CCDC14: variants seen among roughly 807,000 people sequenced by gnomAD.
CCDC14 encodes the protein coiled-coil domain-containing protein 14.
A neutral mutation model predicts 81.4 loss-of-function variants in CCDC14; 71 were observed. The observed-to-expected ratio is 0.87, with a 90% CI of 0.72 to 1.06. The LOEUF (loss-of-function observed/expected upper bound fraction) is 1.06. Ranked by LOEUF, CCDC14 falls within the 50% of genes least tolerant of loss-of-function variation. The pLI is 0.00. For missense variants in CCDC14, 1,046 were observed against 1,047.3 expected, an observed-to-expected ratio of 1.00 and a Z score of 0.02; for synonymous variants, 332 against 364.8, an observed-to-expected ratio of 0.91 and a Z score of 1.03.
chr3:123,904,445 AT>A (rs977485613), intron 5 of CCDC14, among the ~76,000 whole-genome samples: 1 of 152,158 alleles, frequency 6.6e-6, no homozygotes, highest in African/African-American at 2.4e-5. Flanking sequence ...GATGAAAAAA[AT>A]AGCAAGCATG....
chr3:123,888,198 T>C, the CCDC14 span, among the ~76,000 whole-genome samples: 1 of 152,212 alleles, frequency 6.6e-6, no homozygotes, highest in Admixed American at 6.5e-5. Flanking sequence ...TTCTAGGACA[T>C]TATAGCTTTA....
At chr3:123,909,753 T>C (rs2034400969), downstream of CCDC14, among the ~76,000 whole-genome samples, 1 of 152,300 alleles carries the variant, frequency 6.6e-6, no homozygotes, top group Middle Eastern at 3.4e-3. Context: ...AATTCCTTAT[T>C]ATTAGACCAT....
intron 4 of CCDC14, 39 bp from the exon 5 acceptor site, chr3:123,956,004 A>T (rs975183502): frequency 3.3e-6 from 5 of 1,528,506 alleles, no homozygotes; most frequent in Admixed American, 2.2e-5. Context: ...CAAAATAATG[A>T]CTTGAGATAA....
rs894705028 is a variant in CCDC14, at chr3:123,914,393, T to C, written c.*386A>G. The C allele has an allele frequency of 4.1e-6, 4 of 985,430 alleles. No homozygotes were observed. The highest frequency in any genetic ancestry group is 6.1e-5 in the Admixed American group (1 of 16,302). 61.0% of individuals were successfully genotyped at this position (985,430 alleles called of 1,614,324 possible). On this transcript the variant is annotated 3_prime_UTR_variant, in exon 13 of 13. Coordinates refer to ENST00000409697, the MANE Select transcript of CCDC14 (RefSeq NM_001366335.1). Reference sequence around the variant, plus strand: ...ATATGTAAACAGAAAAAAAAAACCCTCTAGTTTCAACAGAAAAACTTACAT... The same window carrying C: ...ATATGTAAACAGAAAAAAAAAACCCCCTAGTTTCAACAGAAAAACTTACAT...
chr3:123,895,576 C>T (rs1292064164), downstream of CCDC14, among the ~76,000 whole-genome samples: 8 of 152,142 alleles, frequency 5.3e-5, no homozygotes, highest in Admixed American at 5.2e-4. Flanking sequence ...GTCTTACCCC[C>T]AGAAATTGAT....
the CCDC14 span, among the ~76,000 whole-genome samples, chr3:123,885,941 T>TAAA: frequency 6.6e-6 from 1 of 151,644 alleles, no homozygotes; most frequent in South Asian, 2.1e-4. Context: ...TGCTTTTTTT[T>TAAA]AAAAAAATTA....
chr3:123,957,800 T>C (rs2037413505), intron 1 of CCDC14: 1 of 152,106 alleles, frequency 6.6e-6, no homozygotes, highest in Admixed American at 6.5e-5. Flanking sequence ...AAATATAATC[T>C]TTATTCAAAA....
intron 12 of CCDC14, among the ~76,000 whole-genome samples, chr3:123,920,952 T>C (rs2035011559): frequency 6.6e-6 from 1 of 152,214 alleles, no homozygotes; most frequent in Non-Finnish European, 1.5e-5. Context: ...AAAAGTGTAG[T>C]TTTTGTATGT....
intron 12 of CCDC14, among the ~76,000 whole-genome samples, chr3:123,926,912 T>C (rs1168712932): frequency 6.6e-6 from 1 of 152,214 alleles, no homozygotes; most frequent in South Asian, 2.1e-4. Context: ...GAAGAGCATG[T>C]AGATTTATCT....
chr3:123,943,957 G>A (rs2036493668), intron 9 of CCDC14, among the ~76,000 whole-genome samples: 1 of 152,142 alleles, frequency 6.6e-6, no homozygotes, highest in Admixed American at 6.6e-5. Context: ...TGAGCCCAAA[G>A]AAGGAGGTCA....
chr3:123,951,105 A>G (rs113786630), intron 5 of CCDC14, among the ~76,000 whole-genome samples: 152 of 152,278 alleles, frequency 1.0e-3, no homozygotes, highest in African/African-American at 3.4e-3. Flanking sequence ...TTATTAGCTG[A>G]GTAACCTTGC....
intron 12 of CCDC14, among the ~76,000 whole-genome samples, chr3:123,928,510 A>C (rs2035517034): frequency 1.3e-5 from 2 of 152,044 alleles, no homozygotes; most frequent in African/African-American, 4.8e-5. Context: ...TGTCTCAAAG[A>C]AAATAAATAA....
intron 10 of CCDC14, among the ~76,000 whole-genome samples, chr3:123,932,838 G>T (rs1040443361): frequency 6.6e-6 from 1 of 151,942 alleles, no homozygotes; most frequent in African/African-American, 2.4e-5. Flanking sequence ...GTGGCTCATT[G>T]TCTGTAATCC....
intron 12 of CCDC14, among the ~76,000 whole-genome samples, chr3:123,924,978 C>CACAG (rs2035277366): frequency 1.3e-5 from 2 of 149,928 alleles, no homozygotes; most frequent in African/African-American, 4.9e-5. Flanking sequence ...CACACACACA[C>CACAG]ATCTATCTAT....
At chr3:123,885,446 T>C in the CCDC14 span, among the ~76,000 whole-genome samples, 1 of 150,190 alleles carries the variant, frequency 6.7e-6, no homozygotes, top group African/African-American at 2.4e-5. Flanking sequence ...TCTTGGTATC[T>C]TCCAAGGGTG....
At chr3:123,931,597 T>C in intron 10 of CCDC14, 71 bp from the exon 11 acceptor site, 1 of 631,376 alleles carries the variant, frequency 1.6e-6, no homozygotes, top group Non-Finnish European at 2.3e-6. Flanking sequence ...AATACCTGTT[T>C]CTTAAAAAAA....
chr3:123,946,239 C>A (rs565169872), intron 8 of CCDC14, among the ~76,000 whole-genome samples: 1 of 151,272 alleles, frequency 6.6e-6, no homozygotes, highest in Non-Finnish European at 1.5e-5. Context: ...AAGCAAAAGC[C>A]ATTACTATAG....
chr3:123,931,771 A>C (rs1204771078), intron 10 of CCDC14, among the ~76,000 whole-genome samples: 1 of 152,224 alleles, frequency 6.6e-6, no homozygotes, highest in Non-Finnish European at 1.5e-5. Flanking sequence ...TAAAAGAAAG[A>C]ATACATAATC....
chr3:123,907,534 CCT>C (rs1043133272), intron 5 of CCDC14, among the ~76,000 whole-genome samples: 3 of 151,076 alleles, frequency 2.0e-5, no homozygotes, highest in African/African-American at 7.3e-5. Flanking sequence ...ATGGTGAAAC[CCT>C]GTCTCCACAC....
Sources: gnomAD v4.1 joint callset for allele counts (sites outside exome capture counted in the v4.1 genomes callset) on GRCh38, gnomAD v4.1.1 for gene constraint, MANE v1.5 for transcripts, NCBI Gene and HGNC (gene_info 2026-07-23, HGNC 2026-07-21) for gene names.